Variants in C1orf141 observed in about 807,000 individuals in gnomAD.
The protein encoded by C1orf141 is chromosome 1 open reading frame 141.
A neutral mutation model predicts 23.2 loss-of-function variants in C1orf141; 19 were observed. That is an observed-to-expected ratio of 0.82 (90% CI 0.57 to 1.20). C1orf141 has a LOEUF of 1.20. Ranked by LOEUF, C1orf141 falls within the 50% of genes most tolerant of loss-of-function variation. The pLI, the probability that C1orf141 is intolerant of heterozygous loss-of-function variation, is 0.00. For synonymous variants in C1orf141, 153 were observed against 154.6 expected (o/e 0.99, Z 0.08); for missense variants, 469 against 455.1 (o/e 1.03, Z -0.28).
intron 1 of C1orf141, among the ~76,000 whole-genome samples, chr1:67,133,817 C>G (rs1028078244): frequency 6.6e-6 from 1 of 152,126 alleles, no homozygotes; most frequent in Non-Finnish European, 1.5e-5. Flanking sequence ...CCCTGCCCAC[C>G]TCTCCATTTC....
intron 4 of C1orf141, chr1:67,122,985 C>CT (rs1294522930): frequency 6.6e-6 from 1 of 151,966 alleles, no homozygotes; most frequent in Non-Finnish European, 1.5e-5. Flanking sequence ...GTGGATCACC[C>CT]GAGGTCAGGA....
intron 4 of C1orf141, among the ~76,000 whole-genome samples, chr1:67,124,784 T>C (rs908960424): frequency 2.6e-5 from 4 of 152,194 alleles, no homozygotes; most frequent in Non-Finnish European, 5.9e-5. Flanking sequence ...ATCATTACTA[T>C]ACCCTATTCA....
At chr1:67,127,330 A>G in intron 2 of C1orf141, 73 bp from the exon 3 acceptor site, 2 of 813,282 alleles carry the variant, frequency 2.5e-6, no homozygotes, top group Non-Finnish European at 4.1e-6. Context: ...AAGTTTTCAA[A>G]AGACTCACTT....
At chr1:67,119,924 C>T (rs1646266459) in intron 4 of C1orf141, among the ~76,000 whole-genome samples, 1 of 152,232 alleles carries the variant, frequency 6.6e-6, no homozygotes, top group African/African-American at 2.4e-5. Context: ...GCTCAGGGGA[C>T]AGGGCTGCCT....
intron 4 of C1orf141, among the ~76,000 whole-genome samples, chr1:67,115,743 A>G (rs1431746492): frequency 1.3e-5 from 2 of 152,228 alleles, no homozygotes; most frequent in African/African-American, 4.8e-5. Context: ...TAACCCTTTC[A>G]GAAAAATATG....
intron 4 of C1orf141, among the ~76,000 whole-genome samples, chr1:67,118,376 G>A (rs1428957881): frequency 6.6e-6 from 1 of 152,180 alleles, no homozygotes; most frequent in Admixed American, 6.5e-5. Flanking sequence ...CAATGTGGGA[G>A]GGGCAGGGAT....
At chr1:67,136,487 G>A (rs1401266734), upstream of C1orf141, among the ~76,000 whole-genome samples, 1 of 152,098 alleles carries the variant, frequency 6.6e-6, no homozygotes, top group Non-Finnish European at 1.5e-5. Context: ...TTTGTACAGA[G>A]GTGAAAATTA....
chr1:67,123,793 A>G (rs188091087), intron 4 of C1orf141: 15 of 152,300 alleles, frequency 9.8e-5, no homozygotes, highest in African/African-American at 3.6e-4. Flanking sequence ...GGTTTCATCA[A>G]TGGTGGCAGC....
intron 5 of C1orf141, chr1:67,103,501 G>C: frequency 3.8e-6 from 2 of 522,236 alleles, no homozygotes; most frequent in African/African-American, 1.9e-5. Context: ...ACTAACAGCT[G>C]TCTGGTTCTT....
chr1:67,128,522 A>G (rs989853237), intron 2 of C1orf141, among the ~76,000 whole-genome samples: 1 of 151,824 alleles, frequency 6.6e-6, no homozygotes, highest in African/African-American at 2.4e-5. Flanking sequence ...TGGCCAACAT[A>G]CTGAAACCCT....
At chr1:67,104,504 G>A (rs1441442728) in intron 5 of C1orf141, among the ~76,000 whole-genome samples, 1 of 152,078 alleles carries the variant, frequency 6.6e-6, no homozygotes. Context: ...TTGTCATGAG[G>A]AATAGAAAAT....
chr1:67,130,229 G>C (rs1329561921), intron 2 of C1orf141, among the ~76,000 whole-genome samples: 3 of 152,136 alleles, frequency 2.0e-5, no homozygotes, highest in Admixed American at 6.5e-5. Flanking sequence ...AGTTCAAGAG[G>C]GGGAGAAGGC....
chr1:67,114,730 G>T (rs1361441269), intron 5 of C1orf141, among the ~76,000 whole-genome samples: 2 of 152,220 alleles, frequency 1.3e-5, no homozygotes, highest in Admixed American at 6.5e-5. Flanking sequence ...AGGCTGGAGT[G>T]CAGTGGCACG....
At chr1:67,107,726 T>C (rs1645963739) in intron 5 of C1orf141, among the ~76,000 whole-genome samples, 1 of 152,132 alleles carries the variant, frequency 6.6e-6, no homozygotes, top group Non-Finnish European at 1.5e-5. Context: ...CTGTCTCTAC[T>C]AAAAATTCAA....
In C1orf141 at chr1:67,093,283, T is replaced by G. The variant is rs574142534; in HGVS notation, c.925A>C (p.Arg309=). ...AAATTATAGAGTGTATTCCAAGATC[T>G]GTTTTCTAGTGTCTGCTTATTAGTT... ...KKTNKQTLEN[R]SWNTLYNFSQ... Residue 309 remains arginine, a synonymous_variant, in exon 8 of 8, where the codon AGA becomes CGA. Transcript: ENST00000684719. The G allele has an allele frequency of 1.9e-6, 3 of 1,613,890 alleles. No individual in the cohort carries two copies. The highest frequency in any genetic ancestry group is 2.5e-6 in the Non-Finnish European group (3 of 1,179,798).
chr1:67,096,371 T>C (rs753381526), intron 5 of C1orf141, 50 bp from the exon 6 acceptor site: 1 of 903,004 alleles, frequency 1.1e-6, no homozygotes, highest in South Asian at 1.5e-5. Context: ...TTCTGACATT[T>C]AGGAAAATAT....
intron 5 of C1orf141, among the ~76,000 whole-genome samples, chr1:67,104,906 G>A (rs1460880899): frequency 2.6e-5 from 4 of 152,122 alleles, no homozygotes; most frequent in African/African-American, 9.6e-5. Flanking sequence ...ATTACCCATA[G>A]GTCAAAAAGG....
intron 5 of C1orf141, among the ~76,000 whole-genome samples, chr1:67,102,170 G>C (rs1316026001): frequency 6.6e-6 from 1 of 152,114 alleles, no homozygotes; most frequent in Non-Finnish European, 1.5e-5. Flanking sequence ...AAAAAATGAA[G>C]TAGAATAGAG....
intron 4 of C1orf141, among the ~76,000 whole-genome samples, chr1:67,119,459 G>C (rs1452297178): frequency 6.6e-6 from 1 of 152,218 alleles, no homozygotes; most frequent in Non-Finnish European, 1.5e-5. Context: ...TAAAATGCAA[G>C]AGGAAAGAAA....
Sources: allele counts gnomAD v4.1 joint callset (sites outside exome capture counted in the v4.1 genomes callset), GRCh38; gene constraint gnomAD v4.1.1; transcripts MANE v1.5; gene names NCBI Gene and HGNC (gene_info 2026-07-23, HGNC 2026-07-21).